TBL1XR1: variants seen among roughly 807,000 people sequenced by gnomAD.
TBL1XR1 encodes the protein TBL1X/Y related 1, also known as F-box-like/WD repeat-containing protein TBL1XR1.
TBL1XR1 carries 5 observed loss-of-function variants against 66.9 expected under a neutral mutation model. The ratio of observed to expected loss-of-function variants is 0.07; its 90% CI spans 0.04 to 0.16. The LOEUF is 0.16. Among genes scored for constraint, TBL1XR1 ranks in the 10% least tolerant of loss-of-function variants. The pLI, the probability that TBL1XR1 is intolerant of heterozygous loss-of-function variation, is 1.00. For missense variants in TBL1XR1, 238 were observed against 623.2 expected, an observed-to-expected ratio of 0.38 and a Z score of 6.58; for synonymous variants, 210 against 206.0, an observed-to-expected ratio of 1.02 and a Z score of -0.17.
At chr3:177,097,976 G>A (rs1460162928) in intron 2 of TBL1XR1, among the ~76,000 whole-genome samples, 2 of 152,192 alleles carry the variant, frequency 1.3e-5, no homozygotes, top group South Asian at 2.1e-4. Context: ...GGAAGCTCAG[G>A]TGGGCGGATC....
intron 1 of TBL1XR1, among the ~76,000 whole-genome samples, chr3:177,127,958 C>A (rs756374722): frequency 4.6e-5 from 7 of 152,154 alleles, no homozygotes; most frequent in African/African-American, 9.6e-5. Context: ...GTGGCTCACG[C>A]CTGTAATCCC....
In TBL1XR1 at chr3:177,057,964, C is replaced by T. The variant is rs578078572; in HGVS notation, c.59-4046G>A. 9.2e-5 allele frequency among the ~76,000 whole-genome samples: 14 copies of T among 152,228 alleles called. 1 individual carries two copies. The South Asian group carries it at 1.9e-3, about 20-fold the overall frequency. On this transcript the variant is annotated intron_variant, in intron 3 of 15. Coordinates refer to ENST00000457928, the MANE Select transcript of TBL1XR1 (RefSeq NM_024665.7). ...CACAAAACAGCCATTTTCTATAGATCGCTTGTTTCAGGAAGTGCTTTCTGT... is the reference window on the plus strand; with the variant it reads ...CACAAAACAGCCATTTTCTATAGATTGCTTGTTTCAGGAAGTGCTTTCTGT...
rs1032671374 is a variant in TBL1XR1, at chr3:177,189,710, T to C, written c.-122+7411A>G. ...TAGTTGCCTTTATAGTCAATTACCCTGGTTGGCTGGAACTAATACAGCACA... is the reference window on the plus strand; with the variant it reads ...TAGTTGCCTTTATAGTCAATTACCCCGGTTGGCTGGAACTAATACAGCACA... On this transcript the variant is annotated intron_variant, in intron 1 of 15. Transcript: ENST00000457928. Among the ~76,000 whole-genome samples, 8 of 147,424 alleles carry C rather than the reference T, an allele frequency of 5.4e-5. No homozygotes were observed. In the East Asian group the frequency reaches 7.4e-4, roughly 14 times the overall value.
At chr3:177,055,028 A>C (rs1291347662) in intron 3 of TBL1XR1, among the ~76,000 whole-genome samples, 1 of 152,222 alleles carries the variant, frequency 6.6e-6, no homozygotes, top group East Asian at 1.9e-4. Flanking sequence ...ATTTTAAACA[A>C]TTCAATTAAA....
intron 10 of TBL1XR1, among the ~76,000 whole-genome samples, chr3:177,045,415 G>A (rs1273473827): frequency 3.3e-5 from 5 of 152,056 alleles, no homozygotes; most frequent in East Asian, 1.9e-4. Flanking sequence ...AGGCTTAAAC[G>A]GAGCGTGGGC....
chr3:177,116,163 T>TAAGAGAG (rs1726284977), intron 1 of TBL1XR1, among the ~76,000 whole-genome samples: 1 of 152,190 alleles, frequency 6.6e-6, no homozygotes, highest in Non-Finnish European at 1.5e-5. Context: ...AATGGTATTT[T>TAAGAGAG]ACTTACTTGA....
At chr3:177,155,469 T>C (rs1011598049) in intron 1 of TBL1XR1, among the ~76,000 whole-genome samples, 1 of 152,204 alleles carries the variant, frequency 6.6e-6, no homozygotes, top group Admixed American at 6.5e-5. Flanking sequence ...TTTTGATCTA[T>C]GTTGTTCTGT....
In TBL1XR1 at chr3:177,112,099, ATATATATATT is replaced by A. The variant is rs1402124880; in HGVS notation, c.-121-13568_-121-13559del. Among the ~76,000 whole-genome samples, 18 of 49,194 alleles carry A rather than the reference ATATATATATT, an allele frequency of 3.7e-4. 1 individual carries two copies. Among genetic ancestry groups the A allele is most frequent in the African/African-American group, 2.2e-3 (17 of 7,798 alleles). The allele number at this position is 49,194 out of a possible 152,430, so 32.3% of individuals were successfully genotyped here. A position where few individuals can be genotyped will look rare whatever the true frequency, so the allele number is the denominator to read the frequency against. On this transcript the variant is annotated intron_variant, in intron 1 of 15. Transcript: ENST00000457928. ...AATATATATATATATATATATATAT[ATATATATATT>A]TTTTTTTTTTTTTTTTGTGAGGGGC... is the stretch of plus-strand genomic sequence containing the variant.
intron 1 of TBL1XR1, among the ~76,000 whole-genome samples, chr3:177,190,466 C>T (rs988310491): frequency 3.6e-4 from 55 of 152,238 alleles, no homozygotes; most frequent in African/African-American, 1.3e-3. Context: ...TAGGCGTGTG[C>T]CACCACTCCC....
At chr3:177,027,467 T>C (rs150551035) in intron 14 of TBL1XR1, 96 of 152,360 alleles carry the variant, frequency 6.3e-4, no homozygotes, top group African/African-American at 2.2e-3. Context: ...TATTCTCCTA[T>C]GAAACCAGTC....
intron 1 of TBL1XR1, among the ~76,000 whole-genome samples, chr3:177,181,795 T>C (rs1190446474): frequency 1.4e-5 from 2 of 146,764 alleles, no homozygotes; most frequent in African/African-American, 2.5e-5. Flanking sequence ...TATGCCAGTA[T>C]CAGGTAAACG....
intron 2 of TBL1XR1, among the ~76,000 whole-genome samples, chr3:177,096,054 G>A (rs1381711974): frequency 6.6e-6 from 1 of 152,122 alleles, no homozygotes; most frequent in East Asian, 1.9e-4. Flanking sequence ...TTGAGGGTAG[G>A]TAGGGAGGTA....
chr3:177,163,651 C>T (rs183105018), intron 1 of TBL1XR1, among the ~76,000 whole-genome samples: 3 of 152,102 alleles, frequency 2.0e-5, no homozygotes, highest in African/African-American at 4.8e-5. Context: ...AAAGTATACA[C>T]TTAATTACTT....
chr3:177,107,509 T>G (rs577483021), intron 1 of TBL1XR1, among the ~76,000 whole-genome samples: 1 of 152,332 alleles, frequency 6.6e-6, no homozygotes, highest in African/African-American at 2.4e-5. Flanking sequence ...GGGGTTTTTT[T>G]AGTGGAATAT....
At chr3:177,194,689 T>C (rs1736601961) in intron 1 of TBL1XR1, among the ~76,000 whole-genome samples, 1 of 151,152 alleles carries the variant, frequency 6.6e-6, no homozygotes, top group Non-Finnish European at 1.5e-5. Flanking sequence ...CCCTTATATT[T>C]ATATTACCTT....
intron 1 of TBL1XR1, among the ~76,000 whole-genome samples, chr3:177,151,622 C>A (rs948142244): frequency 3.9e-5 from 6 of 152,200 alleles, no homozygotes; most frequent in Non-Finnish European, 7.3e-5. Flanking sequence ...CACTGGTTTA[C>A]ACAATAAAAT....
At chr3:177,182,121 T>C (rs906523618) in intron 1 of TBL1XR1, among the ~76,000 whole-genome samples, 2 of 152,180 alleles carry the variant, frequency 1.3e-5, no homozygotes, top group African/African-American at 4.8e-5. Context: ...CAGTGGCTCA[T>C]GCCTATTGTA....
At chr3:177,099,738 C>T (rs1411362636) in intron 1 of TBL1XR1, among the ~76,000 whole-genome samples, 3 of 152,208 alleles carry the variant, frequency 2.0e-5, no homozygotes, top group African/African-American at 7.2e-5. Flanking sequence ...TGACTAGATA[C>T]CACTAGGCTC....
intron 14 of TBL1XR1, among the ~76,000 whole-genome samples, chr3:177,031,239 T>C (rs1713955189): frequency 6.6e-6 from 1 of 152,122 alleles, no homozygotes; most frequent in Non-Finnish European, 1.5e-5. Context: ...AGTTACAGAA[T>C]ATATCCAACA....
Sources: allele counts gnomAD v4.1 joint callset (sites outside exome capture counted in the v4.1 genomes callset), GRCh38; gene constraint gnomAD v4.1.1; transcripts MANE v1.5; gene names NCBI Gene and HGNC (gene_info 2026-07-23, HGNC 2026-07-21).